Variants in APOL2 observed in about 807,000 individuals in gnomAD.
The protein encoded by APOL2 is apolipoprotein L, 2.
In APOL2, 8 loss-of-function variants were observed where a neutral mutation model predicts 7.1. The ratio of observed to expected loss-of-function variants is 1.12; its 90% CI spans 0.66 to 2.03. The LOEUF (loss-of-function observed/expected upper bound fraction) is 2.03, where lower values mean the gene tolerates loss of function less well. APOL2 is among the 30% of genes most tolerant of loss of function. The pLI, the probability that APOL2 is intolerant of heterozygous loss-of-function variation, is 0.00. For missense variants in APOL2, 471 were observed against 415.1 expected, an observed-to-expected ratio of 1.13 and a Z score of -1.17; for synonymous variants, 177 against 159.9, an observed-to-expected ratio of 1.11 and a Z score of -0.81.
intron 1 of APOL2, among the ~76,000 whole-genome samples, chr22:36,236,062 AG>A (rs1427291172): frequency 6.6e-6 from 1 of 152,236 alleles, no homozygotes; most frequent in Non-Finnish European, 1.5e-5. Flanking sequence ...AAAAAAACAA[AG>A]GCAATTAGAA....
chr22:36,227,249 G>A lies in APOL2; in HGVS notation c.*155C>T, dbSNP rs1470956319. 1.1e-6 allele frequency: 1 copy of A among 899,820 alleles called. No individual in the cohort carries two copies. The highest frequency in any genetic ancestry group is 3.1e-5 in the Admixed American group (1 of 31,848). 55.7% of individuals were successfully genotyped at this position (899,820 alleles called of 1,614,324 possible). A position where few individuals can be genotyped will look rare whatever the true frequency, so the allele number is the denominator to read the frequency against. On this transcript the variant is annotated 3_prime_UTR_variant, in exon 5 of 5. Transcript: ENST00000358502. ...GAGAATGGTGTGAACCCGGGAGGCG[G>A]AGTTTGCAGTGAGCCGAGATTGAGC...
Position 36,228,287 on chromosome 22 carries a change from A to G in APOL2, c.138-7T>C, listed in dbSNP as rs1384631460. ...GAGCTCATCTGCCTCATCCCTGCAC[A>G]AGGAAAGGTTAAAGGATTAAGAAAT... On this transcript the variant is annotated splice_polypyrimidine_tract_variant and splice_region_variant and intron_variant, in intron 4 of 4. Coordinates refer to ENST00000358502, the MANE Select transcript of APOL2 (RefSeq NM_030882.4). 1.2e-6 allele frequency: 2 copies of G among 1,609,556 alleles called. No homozygotes were observed. Among genetic ancestry groups the G allele is most frequent in the Non-Finnish European group, 1.7e-6 (2 of 1,177,906 alleles).
At chr22:36,237,021 G>C (rs1017697764) in intron 1 of APOL2, 2 of 1,431,338 alleles carry the variant, frequency 1.4e-6, no homozygotes, top group Non-Finnish European at 1.8e-6. Context: ...CCAGGAGGGA[G>C]AAGAGGAGCA....
At position 36,227,480 on chromosome 22, in the gene APOL2, C is replaced by A; in HGVS notation, c.938G>T (p.Arg313Leu). 1 of 1,614,162 alleles carries A rather than the reference C, an allele frequency of 6.2e-7. No homozygotes were observed. Among genetic ancestry groups the A allele is most frequent in the Non-Finnish European group, 8.5e-7 (1 of 1,180,018 alleles). ...KSESAEELKK[R>L]AQELEGKLNF... is the part of the protein sequence containing the mutation. ...GAGCTTCCCCTCCAGCTCCTGAGCCCGCTTCTTCAGCTCCTCAGCTGACTC... is the reference window on the plus strand; with the variant it reads ...GAGCTTCCCCTCCAGCTCCTGAGCCAGCTTCTTCAGCTCCTCAGCTGACTC... Residue 313 changes from arginine to leucine, a missense_variant, in exon 5 of 5, where the codon CGG becomes CTG. Physicochemically the swap from Arg to Leu is moderately radical, Grantham distance 102. Transcript: ENST00000358502.
chr22:36,237,014 G>T, intron 1 of APOL2: 4 of 1,424,920 alleles, frequency 2.8e-6, no homozygotes, highest in Non-Finnish European at 3.7e-6. Flanking sequence ...AGGAGGACCA[G>T]GAGGGAGAAG....
At position 36,233,155 on chromosome 22, in the gene APOL2, G is replaced by T; in HGVS notation, c.8C>A (p.Pro3Gln). 1 of 1,614,038 alleles carries T rather than the reference G, an allele frequency of 6.2e-7. No individual in the cohort carries two copies. The highest frequency in any genetic ancestry group is 1.7e-5 in the Admixed American group (1 of 60,016). ...CAGGAAAGAGGAAGCGAGCCTACCTGGGTTCATGGTGCCAGCGGCTGGGTT... is the reference window on the plus strand; with the variant it reads ...CAGGAAAGAGGAAGCGAGCCTACCTTGGTTCATGGTGCCAGCGGCTGGGTT... Reference protein sequence around the residue: MNPESSIFIEDYL... With the variant: MNQESSIFIEDYL... The change falls in exon 3 of 5, where the codon CCA (proline) becomes CAA (glutamine). Residue 3 changes from proline (P) to glutamine (Q), a missense_variant and splice_region_variant. By Grantham distance (76) the Pro-to-Gln change is moderately conservative. Transcript: ENST00000358502.
intron 3 of APOL2, 43 bp from the exon 4 acceptor site, chr22:36,231,509 G>T: frequency 1.2e-6 from 2 of 1,600,124 alleles, no homozygotes; most frequent in Non-Finnish European, 1.7e-6. Context: ...GATAGTGTAG[G>T]GGAGCATAAC....
intron 1 of APOL2, among the ~76,000 whole-genome samples, chr22:36,238,138 T>C (rs1001778799): frequency 6.6e-6 from 1 of 152,220 alleles, no homozygotes; most frequent in African/African-American, 2.4e-5. Context: ...GGGGACACTG[T>C]TGTGTTCCCA....
chr22:36,233,847 C>T (rs752613923), intron 1 of APOL2, among the ~76,000 whole-genome samples: 2 of 152,218 alleles, frequency 1.3e-5, no homozygotes, highest in South Asian at 2.1e-4. Flanking sequence ...CATGTATACA[C>T]GCTCATGGTA....
rs56411899 is a variant in APOL2 at position 36,231,279 on chromosome 22, C to A, written c.137+61G>T. The A allele has an allele frequency of 2.5e-6, 4 of 1,595,062 alleles. No individual in the cohort carries two copies. The African/African-American group carries it at 5.4e-5, about 21-fold the overall frequency. On this transcript the variant is annotated intron_variant, in intron 4 of 4. Transcript: ENST00000358502. ...GGTGTGCCTGTCAGGGACAACCAGC[C>A]CAGGGGAGATCTGAGTGGCATCGCT...
chr22:36,232,918 C>T (rs1369859164), intron 3 of APOL2, among the ~76,000 whole-genome samples: 5 of 152,040 alleles, frequency 3.3e-5, no homozygotes, highest in East Asian at 1.9e-4. Flanking sequence ...TGCTGGGTGA[C>T]AGGGTAGGGA....
chr22:36,227,748 T>A lies in APOL2; in HGVS notation c.670A>T (p.Ile224Phe). The change falls in exon 5 of 5, where the codon ATC (isoleucine) becomes TTC (phenylalanine). Residue 224 changes from isoleucine to phenylalanine, a missense_variant. Ile to Phe is a conservative substitution (Grantham distance 21). Transcript: ENST00000358502. The stretch of plus-strand genomic sequence containing the variant: ...GCTCTGGCTCGTCTGATGGCACGGA[T>A]GTTCCTCCCAATCCCTTGTGTGACT... Reference protein sequence around the residue: ...YQVTQGIGRNIRAIRRARANP... With the variant: ...YQVTQGIGRNFRAIRRARANP... 3 of 1,614,244 alleles carry A rather than the reference T, an allele frequency of 1.9e-6. No homozygotes were observed. The highest frequency in any genetic ancestry group is 2.5e-6 in the Non-Finnish European group (3 of 1,180,042).
Position 36,227,314 on chromosome 22 carries a change from TCAAAAAAA to T in APOL2, c.*82_*89del. 1 of 1,004,144 alleles carries T rather than the reference TCAAAAAAA, an allele frequency of 1.0e-6. No individual in the cohort carries two copies. The highest frequency in any genetic ancestry group is 3.1e-5 in the African/African-American group (1 of 32,784). 62.2% of individuals were successfully genotyped at this position (1,004,144 alleles called of 1,614,324 possible). A position where few individuals can be genotyped will look rare whatever the true frequency, so the allele number is the denominator to read the frequency against. ...CTGGGCGATAGAGCGAGACTCCATCTCAAAAAAAAAAAAAAAAAAAAAAAAAAGTCTGC... is the reference window on the plus strand; with the variant it reads ...CTGGGCGATAGAGCGAGACTCCATCTAAAAAAAAAAAAAAAAAAAGTCTGC... On this transcript the variant is annotated 3_prime_UTR_variant, in exon 5 of 5. Coordinates refer to ENST00000358502, the MANE Select transcript of APOL2 (RefSeq NM_030882.4).
At chr22:36,231,133 TG>T (rs1326134395) in intron 4 of APOL2, among the ~76,000 whole-genome samples, 1 of 152,248 alleles carries the variant, frequency 6.6e-6, no homozygotes, top group African/African-American at 2.4e-5. Flanking sequence ...CCTGTTCCTG[TG>T]GGCTTCCTAT....
chr22:36,237,005 G>C, intron 1 of APOL2: 1 of 1,405,356 alleles, frequency 7.1e-7, no homozygotes, highest in Middle Eastern at 2.0e-4. Context: ...ATGAGAACCA[G>C]GAGGACCAGG....
chr22:36,233,435 C>G lies in APOL2; in HGVS notation c.-113G>C, dbSNP rs566427736. On this transcript the variant is annotated 5_prime_UTR_variant, in exon 2 of 5. Transcript: ENST00000358502. ...AGCTTCCTCTTCCCTCACTCTCACA[C>G]CAAGGCAGGGTCCTCTTGTCCTGTA... The G allele has an allele frequency of 5.8e-6, 9 of 1,550,956 alleles. No homozygotes were observed. In the South Asian group the frequency reaches 9.5e-5, roughly 16 times the overall value.
At chr22:36,231,858 A>G (rs769497090) in intron 3 of APOL2, among the ~76,000 whole-genome samples, 1 of 152,172 alleles carries the variant, frequency 6.6e-6, no homozygotes, top group Non-Finnish European at 1.5e-5. Context: ...CCTTAATTTA[A>G]TAAACCATCA....
In APOL2 at chr22:36,233,842, A is replaced by G. The variant is rs533289888; in HGVS notation, c.-133-387T>C. Among the ~76,000 whole-genome samples, 11 of 152,310 alleles carry G rather than the reference A, an allele frequency of 7.2e-5. No homozygotes were observed. The South Asian group carries it at 2.1e-3, about 29-fold the overall frequency. On this transcript the variant is annotated intron_variant, in intron 1 of 4. Coordinates refer to ENST00000358502, the MANE Select transcript of APOL2 (RefSeq NM_030882.4). Reference sequence around the variant, plus strand: ...TTAAATATACAATATTGAGTCATGTATACACGCTCATGGTAAATGACTCCT... The same window carrying G: ...TTAAATATACAATATTGAGTCATGTGTACACGCTCATGGTAAATGACTCCT...
chr22:36,235,873 G>GAGAGA (rs1163575765), intron 1 of APOL2, among the ~76,000 whole-genome samples: 1 of 152,000 alleles, frequency 6.6e-6, no homozygotes, highest in African/African-American at 2.4e-5. Flanking sequence ...AATCAACCCA[G>GAGAGA]AGAGAAGGGA....
Sources: allele counts gnomAD v4.1 joint callset (sites outside exome capture counted in the v4.1 genomes callset), GRCh38; gene constraint gnomAD v4.1.1; transcripts MANE v1.5; gene names NCBI Gene and HGNC (gene_info 2026-07-23, HGNC 2026-07-21).